EIF4G3: variants seen among roughly 807,000 people sequenced by gnomAD.
EIF4G3 encodes the protein eukaryotic translation initiation factor 4 gamma 3.
Under a neutral mutation model 186.4 loss-of-function variants are expected in EIF4G3, and 34 were observed. The ratio of observed to expected loss-of-function variants is 0.18; its 90% CI spans 0.14 to 0.24. The LOEUF (loss-of-function observed/expected upper bound fraction) is 0.24. Ranked by LOEUF, EIF4G3 falls within the 10% of genes least tolerant of loss-of-function variation. EIF4G3 has a pLI of 1.00. For synonymous variants in EIF4G3, 673 were observed against 679.5 expected (o/e 0.99, Z 0.15); for missense variants, 1,536 against 1,948.5 (o/e 0.79, Z 3.99).
intron 29 of EIF4G3, among the ~76,000 whole-genome samples, chr1:20,845,365 A>AAC (rs1482532619): frequency 3.3e-5 from 5 of 152,104 alleles, no homozygotes; most frequent in Admixed American, 1.3e-4. Context: ...GTAGCCCTGT[A>AAC]ATATAGTTTG....
intron 3 of EIF4G3, among the ~76,000 whole-genome samples, chr1:21,063,100 C>T (rs1241039688): frequency 6.6e-6 from 1 of 152,018 alleles, no homozygotes; most frequent in African/African-American, 2.4e-5. Context: ...GTCACCCAAG[C>T]TAGAATGCAG....
At position 20,969,528 on chromosome 1, in the gene EIF4G3, G is replaced by C; in HGVS notation, c.660C>G (p.Ser220Arg). ...ITEEIMSGGG[S>R]RNPTPPIGRP... ...TTCCTATGGGTGGAGTAGGATTTCTGCTGCCACCTCCAGACATAATCTCCT... is the reference window on the plus strand; with the variant it reads ...TTCCTATGGGTGGAGTAGGATTTCTCCTGCCACCTCCAGACATAATCTCCT... Residue 220 changes from serine to arginine, a missense_variant, in exon 12 of 37, where the codon AGC becomes AGG. By Grantham distance (110) the Ser-to-Arg change is moderately radical. Coordinates refer to ENST00000602326, the MANE Select transcript of EIF4G3 (RefSeq NM_001391906.1). The C allele has an allele frequency of 1.2e-6, 2 of 1,613,878 alleles. No homozygotes were observed. Among genetic ancestry groups the C allele is most frequent in the Non-Finnish European group, 1.7e-6 (2 of 1,179,834 alleles).
Position 21,018,852 on chromosome 1 carries a change from TA to T in EIF4G3, c.-66-16045del. Among the ~76,000 whole-genome samples the T allele has an allele frequency of 2.0e-5, 3 of 152,156 alleles. No homozygotes were observed. The South Asian group carries it at 6.2e-4, about 32-fold the overall frequency. On this transcript the variant is annotated intron_variant, in intron 4 of 36. Coordinates refer to ENST00000602326, the MANE Select transcript of EIF4G3 (RefSeq NM_001391906.1). ...ATGAGTAGAAGCTTCCTGAGGCCCTTATCTGAAGCAGGTGTTGGTCTGGCAA... is the reference window on the plus strand; with the variant it reads ...ATGAGTAGAAGCTTCCTGAGGCCCTTTCTGAAGCAGGTGTTGGTCTGGCAA...
chr1:21,082,678 G>A (rs949689438), intron 3 of EIF4G3, among the ~76,000 whole-genome samples: 1 of 152,086 alleles, frequency 6.6e-6, no homozygotes, highest in Non-Finnish European at 1.5e-5. Context: ...GAGGTGAGAG[G>A]ATCAATTGAA....
At chr1:21,009,458 G>A (rs919587996) in intron 4 of EIF4G3, among the ~76,000 whole-genome samples, 1 of 152,140 alleles carries the variant, frequency 6.6e-6, no homozygotes, top group East Asian at 1.9e-4. Flanking sequence ...TGGGATTATA[G>A]GGGTGAGCCA....
At chr1:21,135,116 C>T (rs2097215572) in intron 2 of EIF4G3, among the ~76,000 whole-genome samples, 1 of 152,166 alleles carries the variant, frequency 6.6e-6, no homozygotes, top group African/African-American at 2.4e-5. Flanking sequence ...ATGCAAATGC[C>T]TTTTGTAACA....
chr1:21,098,385 C>T (rs932096060), intron 2 of EIF4G3, among the ~76,000 whole-genome samples: 3 of 150,938 alleles, frequency 2.0e-5, no homozygotes, highest in African/African-American at 7.3e-5. Flanking sequence ...CTACTAAAAA[C>T]ACAAAAAATT....
At chr1:21,166,719 C>T (rs1423814206) in intron 2 of EIF4G3, among the ~76,000 whole-genome samples, 1 of 151,888 alleles carries the variant, frequency 6.6e-6, no homozygotes, top group Admixed American at 6.6e-5. Flanking sequence ...GGTGACAGAG[C>T]AAGACTGTCT....
At chr1:20,865,756 T>A (rs1401715054) in intron 20 of EIF4G3, among the ~76,000 whole-genome samples, 1 of 152,180 alleles carries the variant, frequency 6.6e-6, no homozygotes, top group Non-Finnish European at 1.5e-5. Context: ...TTTTGAGATA[T>A]CTTTTCATTG....
chr1:20,868,276 T>G (rs2078145238), intron 20 of EIF4G3, among the ~76,000 whole-genome samples: 1 of 151,888 alleles, frequency 6.6e-6, no homozygotes, highest in South Asian at 2.1e-4. Context: ...CTGGGTGGCT[T>G]AAACAATGGA....
chr1:20,980,222 T>A, intron 10 of EIF4G3, 112 bp downstream of exon 10: 1 of 706,706 alleles, frequency 1.4e-6, no homozygotes, highest in Non-Finnish European at 2.3e-6. Flanking sequence ...AGCAGCATGT[T>A]ATTTAAAAAT....
At chr1:21,079,954 C>T (rs1035431910) in intron 3 of EIF4G3, among the ~76,000 whole-genome samples, 25 of 151,490 alleles carry the variant, frequency 1.7e-4, no homozygotes, top group Admixed American at 1.6e-3. Flanking sequence ...GAGTTCGAGA[C>T]CAGCCTGGCC....
chr1:20,867,829 G>T (rs1348308942), intron 20 of EIF4G3, among the ~76,000 whole-genome samples: 1 of 152,130 alleles, frequency 6.6e-6, no homozygotes, highest in Non-Finnish European at 1.5e-5. Flanking sequence ...CACATGAATT[G>T]GGGCATAAAG....
Position 21,155,844 on chromosome 1 carries a change from A to G in EIF4G3, c.-272+20331T>C, listed in dbSNP as rs112678102. Among the ~76,000 whole-genome samples the G allele has an allele frequency of 3.5e-3, 535 of 152,286 alleles. 5 individuals are homozygous for G. The highest frequency in any genetic ancestry group is 0.012 in the African/African-American group (505 of 41,574). ...TTAGACTTGTAAAGAAACACACAAA[A>G]AGCCGGGTGCAGTGGCTCAGGCCTG... On this transcript the variant is annotated intron_variant, in intron 2 of 36. Coordinates refer to ENST00000602326, the MANE Select transcript of EIF4G3 (RefSeq NM_001391906.1).
intron 33 of EIF4G3, among the ~76,000 whole-genome samples, chr1:20,821,146 T>C (rs1441377980): frequency 1.3e-5 from 2 of 152,206 alleles, no homozygotes; most frequent in African/African-American, 4.8e-5. Context: ...TTAAATACTT[T>C]TGATAGTCAC....
intron 3 of EIF4G3, among the ~76,000 whole-genome samples, chr1:21,058,664 C>G (rs976644510): frequency 3.4e-5 from 5 of 147,688 alleles, no homozygotes; most frequent in Admixed American, 6.8e-5. Context: ...GTAGCTGGGA[C>G]TACACGTACA....
chr1:20,980,721 CT>C (rs2077762987), intron 9 of EIF4G3, among the ~76,000 whole-genome samples: 1 of 152,114 alleles, frequency 6.6e-6, no homozygotes. Context: ...TAATCTCAGG[CT>C]AGTAGCTTTT....
chr1:21,051,028 T>C (rs1317309983), intron 3 of EIF4G3, 34 bp from the exon 4 acceptor site: 1 of 715,374 alleles, frequency 1.4e-6, no homozygotes, highest in South Asian at 1.5e-5. Flanking sequence ...AAGAACATTA[T>C]ATTAGTAAAT....
At chr1:21,137,148 CTT>C (rs35273908) in intron 2 of EIF4G3, among the ~76,000 whole-genome samples, 5 of 142,570 alleles carry the variant, frequency 3.5e-5, no homozygotes, top group Admixed American at 1.4e-4. Context: ...TTTGTTTTTC[CTT>C]TTTTTTTTTT....
Sources: gnomAD v4.1 joint callset for allele counts (sites outside exome capture counted in the v4.1 genomes callset) on GRCh38, gnomAD v4.1.1 for gene constraint, MANE v1.5 for transcripts, NCBI Gene and HGNC (gene_info 2026-07-23, HGNC 2026-07-21) for gene names.